RALGAPB: variants seen among roughly 807,000 people sequenced by gnomAD.
The protein encoded by RALGAPB is Ral GTPase activating protein non-catalytic subunit beta.
Under a neutral mutation model 161.1 loss-of-function variants are expected in RALGAPB, and 25 were observed. That is an observed-to-expected ratio of 0.16 (90% confidence interval 0.11 to 0.22). The LOEUF (loss-of-function observed/expected upper bound fraction) is 0.22. Ranked by LOEUF, RALGAPB falls within the 10% of genes least tolerant of loss-of-function variation. The pLI, the probability that RALGAPB is intolerant of heterozygous loss-of-function variation, is 1.00. For synonymous variants in RALGAPB, 629 were observed against 626.1 expected (o/e 1.00, Z -0.07); for missense variants, 1,391 against 1,815.2 (o/e 0.77, Z 4.25).
intron 5 of RALGAPB, among the ~76,000 whole-genome samples, chr20:38,507,185 A>G (rs2085787231): frequency 6.6e-6 from 1 of 152,194 alleles, no homozygotes; most frequent in Non-Finnish European, 1.5e-5. Flanking sequence ...CTTTTTAAAA[A>G]TGCCAGTTTG....
intron 22 of RALGAPB, among the ~76,000 whole-genome samples, chr20:38,555,966 A>G (rs2087573534): frequency 6.6e-6 from 1 of 152,320 alleles, no homozygotes; most frequent in South Asian, 2.1e-4. Flanking sequence ...CCAGGAACTT[A>G]GCAATTAATT....
intron 1 of RALGAPB, among the ~76,000 whole-genome samples, chr20:38,478,818 G>T (rs2084881232): frequency 6.6e-6 from 1 of 152,082 alleles, no homozygotes; most frequent in Non-Finnish European, 1.5e-5. Flanking sequence ...GTTTCTACAT[G>T]TTGGTCAGGC....
intron 3 of RALGAPB, among the ~76,000 whole-genome samples, chr20:38,493,550 G>A (rs1035808611): frequency 6.6e-6 from 1 of 152,188 alleles, no homozygotes; most frequent in Non-Finnish European, 1.5e-5. Flanking sequence ...CAAATTGTTA[G>A]TAAGCCAAAA....
intron 28 of RALGAPB, among the ~76,000 whole-genome samples, chr20:38,571,269 A>C (rs1426267866): frequency 2.0e-5 from 3 of 152,196 alleles, no homozygotes; most frequent in Admixed American, 1.3e-4. Flanking sequence ...ATTTTTAAGT[A>C]TACAATACTG....
rs1447397014 is a variant in RALGAPB at position 38,472,928 on chromosome 20, G to C, written c.-172G>C. 2.5e-6 allele frequency: 1 copy of C among 398,832 alleles called. No individual in the cohort carries two copies. The highest frequency in any genetic ancestry group is 4.4e-6 in the Non-Finnish European group (1 of 225,994). 24.7% of individuals were successfully genotyped at this position (398,832 alleles called of 1,614,324 possible). ...GGCGCCCTGGGAGAGTCGCTGACGG[G>C]TGGACTGACGGACCGCCTGAGGACG... On this transcript the variant is annotated 5_prime_UTR_variant, in exon 1 of 30. Transcript: ENST00000262879.
At chr20:38,483,717 T>C (rs1225512307) in intron 1 of RALGAPB, among the ~76,000 whole-genome samples, 1 of 152,104 alleles carries the variant, frequency 6.6e-6, no homozygotes, top group Non-Finnish European at 1.5e-5. Context: ...ATGGCAAGTG[T>C]GATCAAGACA....
intron 2 of RALGAPB, among the ~76,000 whole-genome samples, 190 bp from the exon 3 acceptor site, chr20:38,492,740 A>C (rs2085315120): frequency 6.6e-6 from 1 of 152,228 alleles, no homozygotes; most frequent in Admixed American, 6.5e-5. Context: ...TTCTTCTTAA[A>C]GCTTTTGCTT....
chr20:38,517,400 A>G (rs1465282883), intron 7 of RALGAPB, 106 bp from the exon 8 acceptor site: 26 of 1,153,522 alleles, frequency 2.3e-5, no homozygotes, highest in Non-Finnish European at 3.1e-5. Flanking sequence ...AATCTCTGCT[A>G]TAGTCTATGT....
chr20:38,525,329 G>T (rs775049039), intron 11 of RALGAPB, 75 bp from the exon 12 acceptor site: 70 of 955,830 alleles, frequency 7.3e-5, no homozygotes, highest in Non-Finnish European at 1.1e-4. Context: ...GGAAAAATTG[G>T]CATTATATGT....
chr20:38,521,501 T>TACA lies in RALGAPB; in HGVS notation c.1426_1428dup (p.Thr476dup). 5 of 1,614,126 alleles carry TACA rather than the reference T, an allele frequency of 3.1e-6. No homozygotes were observed. The highest frequency in any genetic ancestry group is 4.2e-6 in the Non-Finnish European group (5 of 1,179,984). ...ACCCTCCTTTTCTCTCCCCAGCCAT[T>TACA]ACAACACAAGCTAGCATGGAGTTTC... is the stretch of plus-strand genomic sequence containing the variant. On this transcript the variant is annotated inframe_insertion, in exon 10 of 30. Transcript: ENST00000262879.
intron 9 of RALGAPB, 93 bp downstream of exon 9, chr20:38,518,093 C>A: frequency 3.4e-6 from 4 of 1,181,530 alleles, no homozygotes; most frequent in Non-Finnish European, 4.8e-6. Flanking sequence ...TAATATGTAT[C>A]TTAAAAAGCT....
intron 16 of RALGAPB, among the ~76,000 whole-genome samples, chr20:38,536,009 T>G (rs1016061534): frequency 1.6e-4 from 24 of 152,238 alleles, no homozygotes; most frequent in Non-Finnish European, 2.4e-4. Flanking sequence ...AATATAAAAT[T>G]AGCCATTTAA....
chr20:38,508,997 TTC>T lies in RALGAPB; in HGVS notation c.741-76_741-75del, dbSNP rs1258932927. 3.4e-6 allele frequency: 5 copies of T among 1,473,446 alleles called. No individual in the cohort carries two copies. The African/African-American group carries it at 5.6e-5, about 17-fold the overall frequency. 91.3% of individuals were successfully genotyped at this position (1,473,446 alleles called of 1,614,324 possible). On this transcript the variant is annotated intron_variant, in intron 5 of 29. Coordinates refer to ENST00000262879, the MANE Select transcript of RALGAPB (RefSeq NM_020336.4). ...GTGAGGTACACATGTTTCATCCATT[TTC>T]TCTGTCTTCTTTCTATGCTTGAGTG...
intron 13 of RALGAPB, among the ~76,000 whole-genome samples, chr20:38,526,574 T>G (rs752882144): frequency 6.6e-6 from 1 of 152,226 alleles, no homozygotes; most frequent in Non-Finnish European, 1.5e-5. Flanking sequence ...GATTTTTGTT[T>G]AGCTTTTCTT....
chr20:38,477,987 T>A (rs1176907480), intron 1 of RALGAPB, among the ~76,000 whole-genome samples: 1 of 152,116 alleles, frequency 6.6e-6, no homozygotes, highest in African/African-American at 2.4e-5. Context: ...TAGCGGCGCA[T>A]GGTGACACAC....
intron 10 of RALGAPB, among the ~76,000 whole-genome samples, chr20:38,522,825 A>G (rs2086331251): frequency 6.6e-6 from 1 of 152,240 alleles, no homozygotes. Context: ...AGTGATATTT[A>G]TTAAATTCTA....
intron 23 of RALGAPB, 72 bp downstream of exon 23, chr20:38,558,525 G>T: frequency 7.7e-7 from 1 of 1,303,314 alleles, no homozygotes; most frequent in South Asian, 1.9e-5. Flanking sequence ...AAAAAATTGA[G>T]GCAAAATTAA....
intron 1 of RALGAPB, among the ~76,000 whole-genome samples, chr20:38,486,642 T>G (rs530640507): frequency 3.5e-4 from 54 of 152,336 alleles, no homozygotes; most frequent in African/African-American, 1.2e-3. Flanking sequence ...TTTTTTCTTC[T>G]TAAAATCTGT....
In RALGAPB at chr20:38,567,088, C is replaced by A. The variant is rs768543922; in HGVS notation, c.3818-8C>A. Reference sequence around the variant, plus strand: ...TATTATAGTTGCTTTTTTTCCTTTACCCCATAGCTGATTCATTGGAAAGTA... The same window carrying A: ...TATTATAGTTGCTTTTTTTCCTTTAACCCATAGCTGATTCATTGGAAAGTA... On this transcript the variant is annotated splice_region_variant and splice_polypyrimidine_tract_variant and intron_variant, in intron 25 of 29. Coordinates refer to ENST00000262879, the MANE Select transcript of RALGAPB (RefSeq NM_020336.4). 6 of 1,611,324 alleles carry A rather than the reference C, an allele frequency of 3.7e-6. No homozygotes were observed. The Admixed American group carries it at 1.0e-4, about 27-fold the overall frequency.
Sources: allele counts gnomAD v4.1 joint callset (sites outside exome capture counted in the v4.1 genomes callset), GRCh38; gene constraint gnomAD v4.1.1; transcripts MANE v1.5; gene names NCBI Gene and HGNC (gene_info 2026-07-23, HGNC 2026-07-21).